NCKAP5L: variants seen among roughly 807,000 people sequenced by gnomAD.
The protein encoded by NCKAP5L is NCK associated protein 5 like.
In NCKAP5L, 54 loss-of-function variants were observed where a neutral mutation model predicts 103.2. The observed-to-expected ratio is 0.52, with a 90% CI of 0.42 to 0.66. The LOEUF (loss-of-function observed/expected upper bound fraction) is 0.66. Ranked by LOEUF, NCKAP5L falls within the 30% of genes least tolerant of loss-of-function variation. NCKAP5L has a pLI of 0.00. For missense variants in NCKAP5L, 1,733 were observed against 1,750.6 expected (o/e 0.99, Z 0.18); for synonymous variants, 762 against 748.6 (o/e 1.02, Z -0.29).
rs1483976428 is a variant in NCKAP5L at position 49,797,094 on chromosome 12, G to A, written c.766C>T (p.His256Tyr). ...LGPGNLGGLLHWERLLGGLGG... is the reference protein window; with the variant it reads ...LGPGNLGGLLYWERLLGGLGG... ...AGACCCCCCAAGAGGCGCTCCCAGT[G>A]CAGCAGGCCTCCCAGGTTGCCAGGG... Residue 256 changes from histidine (H) to tyrosine (Y), a missense_variant, in exon 8 of 13, where the codon CAC becomes TAC. Physicochemically the swap from His to Tyr is moderately conservative, Grantham distance 83. Transcript: ENST00000335999. The surrounding 1 kb of genome is among the most constrained non-coding windows in gnomAD (Gnocchi z 4.5). The A allele has an allele frequency of 4.4e-6, 7 of 1,588,408 alleles. No homozygotes were observed. Among genetic ancestry groups the A allele is most frequent in the Admixed American group, 1.8e-5 (1 of 55,610 alleles).
intron 2 of NCKAP5L, chr12:49,804,976 G>C (rs1946163794): frequency 6.6e-6 from 1 of 152,320 alleles, no homozygotes; most frequent in Admixed American, 6.5e-5. Flanking sequence ...GAAGTGCCCT[G>C]CACCCCTCCG....
chr12:49,803,806 G>T, intron 3 of NCKAP5L, 116 bp downstream of exon 3: 3 of 1,353,050 alleles, frequency 2.2e-6, no homozygotes, highest in South Asian at 2.9e-5. Flanking sequence ...GGCAAAGCAG[G>T]CCGAGAGGAA....
At position 49,796,947 on chromosome 12, in the gene NCKAP5L, C is replaced by A; in HGVS notation, c.913G>T (p.Ala305Ser). Residue 305 changes from alanine (A) to serine (S), a missense_variant, in exon 8 of 13, where the codon GCA (alanine) becomes TCA (serine). Transcript: ENST00000335999. ...GSSSSSSSDE[A>S]GDPNEAPSPD... ...CTGGGTGCCTCATTGGGGTCACCTG[C>A]CTCATCAGAAGAGGAGGAGGAGCTG... is the stretch of plus-strand genomic sequence containing the variant. The A allele has an allele frequency of 6.2e-7, 1 of 1,605,250 alleles. No homozygotes were observed.
intron 6 of NCKAP5L, among the ~76,000 whole-genome samples, chr12:49,799,888 C>CA (rs1381100791): frequency 2.0e-5 from 3 of 152,218 alleles, no homozygotes; most frequent in African/African-American, 7.2e-5. Context: ...CCCCAGTCCC[C>CA]ATTCCACTCT....
At chr12:49,807,937 A>C (rs1946198744) in intron 1 of NCKAP5L, among the ~76,000 whole-genome samples, 1 of 152,256 alleles carries the variant, frequency 6.6e-6, no homozygotes, top group South Asian at 2.1e-4. Context: ...GGGTCTGGAA[A>C]AGGATAACGC....
Position 49,796,181 on chromosome 12 carries a change from A to G in NCKAP5L, c.1679T>C (p.Leu560Pro). 1 of 1,607,740 alleles carries G rather than the reference A, an allele frequency of 6.2e-7. No homozygotes were observed. The highest frequency in any genetic ancestry group is 8.5e-7 in the Non-Finnish European group (1 of 1,177,344). Residue 560 changes from leucine (L) to proline (P), a missense_variant, in exon 8 of 13, where the codon CTG (leucine) becomes CCG (proline). By Grantham distance (98) the Leu-to-Pro change is moderately conservative. Transcript: ENST00000335999. ...PVVSPCYENI[L>P]DLSRSTFRGP... ...CCTAAAGGTGCTCCGAGAAAGGTCC[A>G]GAATGTTCTCATAGCAGGGAGACAC... is the stretch of plus-strand genomic sequence containing the variant.
At chr12:49,803,826 C>T (rs1295247604) in intron 3 of NCKAP5L, 96 bp downstream of exon 3, 2 of 1,482,684 alleles carry the variant, frequency 1.3e-6, no homozygotes, top group African/African-American at 2.8e-5. Context: ...AGGCCCATGG[C>T]ACCCAAAAAC....
chr12:49,817,194 G>T (rs1016048025), intron 1 of NCKAP5L, among the ~76,000 whole-genome samples: 1 of 152,106 alleles, frequency 6.6e-6, no homozygotes, highest in Admixed American at 6.5e-5. Context: ...GGGATTGGAA[G>T]AATTAATATT....
In NCKAP5L at chr12:49,792,102, C is replaced by T; in HGVS notation, c.3793-51G>A. 6.9e-7 allele frequency: 1 copy of T among 1,443,928 alleles called. No homozygotes were observed. The highest frequency in any genetic ancestry group is 2.4e-5 in the East Asian group (1 of 41,298). 89.4% of individuals were successfully genotyped at this position (1,443,928 alleles called of 1,614,324 possible). A position where few individuals can be genotyped will look rare whatever the true frequency, so the allele number is the denominator to read the frequency against. ...GGAAGCTCCTCTCCACCTTTCGGCC[C>T]AGCCTCAGAGGCACTGAGCTCTGAG... is the stretch of plus-strand genomic sequence containing the variant. On this transcript the variant is annotated intron_variant, in intron 12 of 12. Transcript: ENST00000335999. The surrounding 1 kb of genome is among the most constrained non-coding windows in gnomAD (Gnocchi z 4.5).
At position 49,796,863 on chromosome 12, in the gene NCKAP5L, C is replaced by T. The variant is rs1372241952; in HGVS notation, c.997G>A (p.Glu333Lys). ...GCCTGTAGGTAAGACTCTGTGTCCT[C>T]AAGGAGCTGGCCCAGGTTCAACTGT... ...RRQLNLGQLL[E>K]DTESYLQAFL... is the part of the protein sequence containing the mutation. The change falls in exon 8 of 13, where the codon GAG (glutamate) becomes AAG (lysine). Residue 333 changes from glutamate (E) to lysine (K), a missense_variant. Glu to Lys is a moderately conservative substitution (Grantham distance 56). Transcript: ENST00000335999. The T allele has an allele frequency of 2.5e-6, 4 of 1,612,706 alleles. No individual in the cohort carries two copies. The highest frequency in any genetic ancestry group is 2.5e-6 in the Non-Finnish European group (3 of 1,179,682).
chr12:49,825,857 T>C (rs1229250289), intron 1 of NCKAP5L, among the ~76,000 whole-genome samples: 3 of 151,906 alleles, frequency 2.0e-5, no homozygotes, highest in Non-Finnish European at 4.4e-5. Flanking sequence ...CCTTCAACAT[T>C]CCCCTTCACC....
rs1470994925 is a variant in NCKAP5L, at chr12:49,792,496, G to A, written c.3742C>T (p.Pro1248Ser). 6.2e-7 allele frequency: 1 copy of A among 1,613,500 alleles called. No homozygotes were observed. Among genetic ancestry groups the A allele is most frequent in the South Asian group, 1.1e-5 (1 of 91,060 alleles). The change falls in exon 12 of 13, where the codon CCT (proline) becomes TCT (serine). Residue 1248 changes from proline (P) to serine (S), a missense_variant. Coordinates refer to ENST00000335999, the MANE Select transcript of NCKAP5L (RefSeq NM_001037806.4). The surrounding 1 kb of genome is among the most constrained non-coding windows in gnomAD (Gnocchi z 4.5). ...NTRAAGSSSD[P>S]LMCPPRQLEG... ...AGTTGTCGGGGTGGGCACATGAGAG[G>A]GTCCGAGGAGCTGCCGGCTGCCCTA...
intron 1 of NCKAP5L, among the ~76,000 whole-genome samples, chr12:49,827,486 T>C (rs761525991): frequency 7.2e-5 from 11 of 152,210 alleles, no homozygotes; most frequent in Non-Finnish European, 1.2e-4. Context: ...GGACTGGAGA[T>C]AACGCGGGAC....
chr12:49,804,138 G>C (rs948745854), intron 2 of NCKAP5L, 58 bp from the exon 3 acceptor site: 2 of 1,530,652 alleles, frequency 1.3e-6, no homozygotes, highest in African/African-American at 2.7e-5. Flanking sequence ...AAACCCTTTA[G>C]TCTCCTTGGA....
intron 1 of NCKAP5L, among the ~76,000 whole-genome samples, chr12:49,814,573 T>C (rs1442513715): frequency 6.6e-6 from 1 of 152,138 alleles, no homozygotes; most frequent in African/African-American, 2.4e-5. Flanking sequence ...TCTTCCTGGA[T>C]GACTTTTCCC....
chr12:49,818,920 G>C (rs147831318), intron 1 of NCKAP5L, among the ~76,000 whole-genome samples: 1 of 151,520 alleles, frequency 6.6e-6, no homozygotes, highest in East Asian at 1.9e-4. Context: ...AAATAGGCCA[G>C]ACCCAGTGGC....
chr12:49,796,114 G>T lies in NCKAP5L; in HGVS notation c.1746C>A (p.Pro582=), dbSNP rs775837470. Residue 582 remains proline, a synonymous_variant, in exon 8 of 13, where the codon CCC becomes CCA. Coordinates refer to ENST00000335999, the MANE Select transcript of NCKAP5L (RefSeq NM_001037806.4). ...PEPPPSPLQV[P]TYPQLTLEVP... is the part of the protein sequence containing the mutation. ...CCTCCAGAGTTAGCTGTGGGTAGGTGGGCACCTGCAGTGGGGATGGAGGTG... is the reference window on the plus strand; with the variant it reads ...CCTCCAGAGTTAGCTGTGGGTAGGTTGGCACCTGCAGTGGGGATGGAGGTG... 1.9e-6 allele frequency: 3 copies of T among 1,610,472 alleles called. No individual in the cohort carries two copies. Among genetic ancestry groups the T allele is most frequent in the Non-Finnish European group, 2.5e-6 (3 of 1,178,496 alleles).
rs757296117 is a variant in NCKAP5L at position 49,797,252 on chromosome 12, A to C, written c.608T>G (p.Leu203Trp). The C allele has an allele frequency of 3.7e-6, 6 of 1,613,522 alleles. No individual in the cohort carries two copies. Among genetic ancestry groups the C allele is most frequent in the Non-Finnish European group, 4.2e-6 (5 of 1,179,810 alleles). ...VLRALEETDP[L>W]LLCSPATPWR... is the part of the protein sequence containing the mutation. ...GGGGGTGGCAGGTGAGCAGAGAAGC[A>C]AGGGGTCAGTCTCTTCCAGGGCTCT... The change falls in exon 8 of 13, where the codon TTG becomes TGG. Residue 203 changes from leucine to tryptophan, a missense_variant. Physicochemically the swap from Leu to Trp is moderately conservative, Grantham distance 61. Transcript: ENST00000335999. The surrounding 1 kb of genome is among the most constrained non-coding windows in gnomAD (Gnocchi z 4.5).
chr12:49,797,432 C>G lies in NCKAP5L; in HGVS notation c.466-38G>C. 1 of 1,470,304 alleles carries G rather than the reference C, an allele frequency of 6.8e-7. No homozygotes were observed. Among genetic ancestry groups the G allele is most frequent in the Non-Finnish European group, 9.3e-7 (1 of 1,079,922 alleles). 91.1% of individuals were successfully genotyped at this position (1,470,304 alleles called of 1,614,324 possible). A position where few individuals can be genotyped will look rare whatever the true frequency, so the allele number is the denominator to read the frequency against. The stretch of plus-strand genomic sequence containing the variant: ...ATGATGGCATGAGGAGGAGACCACA[C>G]ACAGCTGGGATCCAGTTCCAGGCCC... On this transcript the variant is annotated intron_variant, in intron 7 of 12. Coordinates refer to ENST00000335999, the MANE Select transcript of NCKAP5L (RefSeq NM_001037806.4). The surrounding 1 kb of genome is among the most constrained non-coding windows in gnomAD (Gnocchi z 4.5).
Sources: gnomAD v4.1 joint callset for allele counts (sites outside exome capture counted in the v4.1 genomes callset) on GRCh38, gnomAD v4.1.1 for gene constraint, Gnocchi (gnomAD v3.1) non-coding constraint, MANE v1.5 for transcripts, NCBI Gene and HGNC (gene_info 2026-07-23, HGNC 2026-07-21) for gene names.